Variants in PLEKHA8 observed in about 807,000 individuals in gnomAD.
The protein encoded by PLEKHA8 is pleckstrin homology domain-containing family A member 8.
Under a neutral mutation model 68.2 loss-of-function variants are expected in PLEKHA8, and 36 were observed. The observed-to-expected ratio is 0.53, with a 90% CI of 0.40 to 0.70. PLEKHA8 has a LOEUF of 0.70. Ranked by LOEUF, PLEKHA8 falls within the 30% of genes least tolerant of loss-of-function variation. PLEKHA8 has a pLI of 0.00. For missense variants in PLEKHA8, 505 were observed against 615.4 expected (o/e 0.82, Z 1.90); for synonymous variants, 211 against 216.1 (o/e 0.98, Z 0.20).
At chr7:30,112,031 C>T (rs982691765) in intron 13 of PLEKHA8, among the ~76,000 whole-genome samples, 9 of 151,938 alleles carry the variant, frequency 5.9e-5, no homozygotes, top group African/African-American at 1.9e-4. Flanking sequence ...ATTGATGGCA[C>T]AGAATTTTAT....
chr7:30,089,759 A>C (rs73686295), intron 12 of PLEKHA8, among the ~76,000 whole-genome samples: 22,096 of 152,204 alleles, frequency 0.15, 1,642 homozygotes, highest in Middle Eastern at 0.19. Context: ...GTGCTCTCAG[A>C]GAACTTAGAA....
chr7:30,096,955 T>C (rs1261253217), intron 13 of PLEKHA8, among the ~76,000 whole-genome samples: 12 of 152,232 alleles, frequency 7.9e-5, no homozygotes, highest in Admixed American at 7.2e-4. Context: ...TTGGTACCGG[T>C]GGCTGGTACC....
intron 12 of PLEKHA8, among the ~76,000 whole-genome samples, chr7:30,073,752 G>A (rs1310902658): frequency 6.6e-6 from 1 of 151,912 alleles, no homozygotes; most frequent in African/African-American, 2.4e-5. Context: ...CTTTAGGAGG[G>A]CAAGGTGGGA....
chr7:30,040,685 C>A (rs1473169825), intron 1 of PLEKHA8, among the ~76,000 whole-genome samples: 2 of 152,112 alleles, frequency 1.3e-5, no homozygotes, highest in African/African-American at 2.4e-5. Context: ...GTCAAGTATG[C>A]TTTCTGTAGT....
At chr7:30,045,672 A>T (rs960757078) in intron 2 of PLEKHA8, among the ~76,000 whole-genome samples, 1 of 152,138 alleles carries the variant, frequency 6.6e-6, no homozygotes, top group Non-Finnish European at 1.5e-5. Context: ...AAAACAGATT[A>T]AATGGGAATT....
intron 11 of PLEKHA8, among the ~76,000 whole-genome samples, chr7:30,062,426 A>G (rs1056279340): frequency 5.9e-5 from 9 of 152,182 alleles, no homozygotes; most frequent in African/African-American, 1.9e-4. Flanking sequence ...TGCTAAAGCC[A>G]CTAGTCCTGG....
chr7:30,111,348 A>G (rs894113095), intron 13 of PLEKHA8, among the ~76,000 whole-genome samples: 15 of 152,356 alleles, frequency 9.8e-5, no homozygotes, highest in African/African-American at 2.6e-4. Context: ...TTGACACACT[A>G]TCTTGATTTC....
At chr7:30,092,218 A>T (rs1243738539), downstream of PLEKHA8, among the ~76,000 whole-genome samples, 1 of 152,204 alleles carries the variant, frequency 6.6e-6, no homozygotes, top group African/African-American at 2.4e-5. Flanking sequence ...AATTGTGCAC[A>T]GTGTCTAGCA....
At chr7:30,097,906 CTT>C (rs1442885923) in intron 13 of PLEKHA8, among the ~76,000 whole-genome samples, 1 of 152,200 alleles carries the variant, frequency 6.6e-6, no homozygotes, top group African/African-American at 2.4e-5. Flanking sequence ...GGCGCTCTGA[CTT>C]TTAGAGTTTC....
In PLEKHA8 at chr7:30,083,227, T is replaced by C. The variant is rs180670775; in HGVS notation, c.*4440T>C. ...TATGTATGGTAAATTTGTATTCTTA[T>C]GGATTGTATATAGAATGCTTTCGTT... On this transcript the variant is annotated 3_prime_UTR_variant, in exon 14 of 14. Coordinates refer to ENST00000449726, the MANE Select transcript of PLEKHA8 (RefSeq NM_001197026.2). 80 of 982,734 alleles carry C rather than the reference T, an allele frequency of 8.1e-5. 1 individual carries two copies. The African/African-American group carries it at 1.2e-3, about 15-fold the overall frequency. 60.9% of individuals were successfully genotyped at this position (982,734 alleles called of 1,614,324 possible). A position where few individuals can be genotyped will look rare whatever the true frequency, so the allele number is the denominator to read the frequency against.
chr7:30,083,147 G>C lies in PLEKHA8; in HGVS notation c.*4360G>C. On this transcript the variant is annotated 3_prime_UTR_variant, in exon 14 of 14. Coordinates refer to ENST00000449726, the MANE Select transcript of PLEKHA8 (RefSeq NM_001197026.2). ...CTGAGCTGATGTGTTTGGTCTTAGA[G>C]GGCCTGACTTCAGATACTCTTTGTG... The C allele has an allele frequency of 1.0e-6, 1 of 983,856 alleles. No homozygotes were observed. Among genetic ancestry groups the C allele is most frequent in the Non-Finnish European group, 1.2e-6 (1 of 828,628 alleles). 60.9% of individuals were successfully genotyped at this position (983,856 alleles called of 1,614,324 possible). A position where few individuals can be genotyped will look rare whatever the true frequency, so the allele number is the denominator to read the frequency against.
intron 13 of PLEKHA8, among the ~76,000 whole-genome samples, chr7:30,100,111 C>T (rs1006739811): frequency 4.6e-5 from 7 of 152,176 alleles, no homozygotes; most frequent in African/African-American, 1.7e-4. Context: ...CTTCATGTGT[C>T]TCCAAATCTC....
intron 12 of PLEKHA8, among the ~76,000 whole-genome samples, chr7:30,065,159 T>G (rs531586049): frequency 6.6e-6 from 1 of 152,228 alleles, no homozygotes; most frequent in African/African-American, 2.4e-5. Flanking sequence ...GGGCAAATGC[T>G]GCTTTGTGAC....
chr7:30,052,959 G>A (rs1792544524), intron 7 of PLEKHA8, 93 bp downstream of exon 7: 1 of 1,050,938 alleles, frequency 9.5e-7, no homozygotes, highest in East Asian at 2.8e-5. Flanking sequence ...TTAACCTCAA[G>A]ACCATGTAGT....
chr7:30,103,080 A>G lies in PLEKHA8; in HGVS notation c.1363-26186A>G, dbSNP rs540971059. Among the ~76,000 whole-genome samples the G allele has an allele frequency of 2.6e-5, 4 of 152,008 alleles. No individual in the cohort carries two copies. The South Asian group carries it at 6.3e-4, about 24-fold the overall frequency. On this transcript the variant is annotated intron_variant, in intron 13 of 13. Transcript: ENST00000396257. ...CAAGACCTTGTCTTTAAAAAAAAGAAAGAGAGAGAGAGAGATTACCAGGTG... is the reference window on the plus strand; with the variant it reads ...CAAGACCTTGTCTTTAAAAAAAAGAGAGAGAGAGAGAGAGATTACCAGGTG...
intron 1 of PLEKHA8, among the ~76,000 whole-genome samples, chr7:30,030,224 C>CT (rs903439547): frequency 6.6e-6 from 1 of 152,190 alleles, no homozygotes; most frequent in Non-Finnish European, 1.5e-5. Flanking sequence ...ATTACACACA[C>CT]TTTTTTTCAT....
chr7:30,049,105 A>G, intron 4 of PLEKHA8, 119 bp from the exon 5 acceptor site: 8 of 1,184,836 alleles, frequency 6.8e-6, no homozygotes, highest in Non-Finnish European at 9.9e-6. Context: ...ACTGATGTAC[A>G]TATTTCAGCA....
downstream of PLEKHA8, among the ~76,000 whole-genome samples, chr7:30,087,946 CCT>C (rs148726921): frequency 7.6e-3 from 1,150 of 152,316 alleles, 21 homozygotes; most frequent in African/African-American, 0.026. Context: ...GGTGTAGCCA[CCT>C]CTCTCATTAA....
intron 9 of PLEKHA8, among the ~76,000 whole-genome samples, chr7:30,057,255 A>G (rs1479348588): frequency 6.6e-6 from 1 of 152,134 alleles, no homozygotes; most frequent in Non-Finnish European, 1.5e-5. Context: ...AGTTCTGCCT[A>G]TTCTAAAACT....
Sources: gnomAD v4.1 joint callset for allele counts (sites outside exome capture counted in the v4.1 genomes callset) on GRCh38, gnomAD v4.1.1 for gene constraint, MANE v1.5 for transcripts, NCBI Gene and HGNC (gene_info 2026-07-23, HGNC 2026-07-21) for gene names.